The following CCDC141 variants were observed in gnomAD, a reference collection of about 807,000 sequenced individuals.
CCDC141 encodes coiled-coil domain containing 141.
In CCDC141, 168 loss-of-function variants were observed where a neutral mutation model predicts 181.0. That is an observed-to-expected ratio of 0.93 (90% CI 0.82 to 1.05). CCDC141 has a LOEUF of 1.05. Among genes scored for constraint, CCDC141 ranks in the 50% least tolerant of loss-of-function variants. CCDC141 has a pLI of 0.00. For synonymous variants in CCDC141, 666 were observed against 642.3 expected (o/e 1.04, Z -0.56); for missense variants, 1,902 against 1,788.5 (o/e 1.06, Z -1.14).
In CCDC141 at chr2:178,951,915, C is replaced by G. The variant is rs540930279; in HGVS notation, c.781-7264G>C. Among the ~76,000 whole-genome samples the G allele has an allele frequency of 5.3e-5, 8 of 152,272 alleles. No homozygotes were observed. In the East Asian group the frequency reaches 1.5e-3, roughly 29 times the overall value. ...GTGTGTCCCCATCCCCCTTACCAAC[C>G]GACTTGGGGGCTTAATTAATAACCA... On this transcript the variant is annotated intron_variant, in intron 5 of 23. Transcript: ENST00000443758.
intron 2 of CCDC141, among the ~76,000 whole-genome samples, chr2:179,004,143 C>T (rs1315304342): frequency 6.6e-6 from 1 of 152,064 alleles, no homozygotes; most frequent in East Asian, 1.9e-4. Context: ...TTTCTGAAAT[C>T]CATGTTAAAA....
At position 178,869,300 on chromosome 2, in the gene CCDC141, C is replaced by G. The variant is rs753778696; in HGVS notation, c.2211G>C (p.Leu737Phe). 8.2e-6 allele frequency: 13 copies of G among 1,577,124 alleles called. No individual in the cohort carries two copies. In the South Asian group the frequency reaches 1.4e-4, roughly 17 times the overall value. Residue 737 changes from leucine to phenylalanine, a missense_variant, in exon 15 of 24, where the codon TTG (leucine) becomes TTC (phenylalanine). Coordinates refer to ENST00000443758, the MANE Select transcript of CCDC141 (RefSeq NM_173648.4). ...WNDMKPQFQQ[L>F]NDEVQYIMKE... is the part of the protein sequence containing the mutation. The stretch of plus-strand genomic sequence containing the variant: ...TCATAATGTACTGAACCTCATCATT[C>G]AATTGCTAAAACATTGAAAGCAATA...
At chr2:179,020,056 G>A (rs1010296501) in intron 2 of CCDC141, among the ~76,000 whole-genome samples, 1 of 151,978 alleles carries the variant, frequency 6.6e-6, no homozygotes, top group African/African-American at 2.4e-5. Context: ...ATGCCCAGCT[G>A]GAAAGATCAT....
At chr2:178,981,332 G>T (rs1691380730) in intron 2 of CCDC141, among the ~76,000 whole-genome samples, 1 of 151,734 alleles carries the variant, frequency 6.6e-6, no homozygotes, top group South Asian at 2.1e-4. Context: ...CATCAAGATA[G>T]GCCATATCCT....
rs373395548 is a variant in CCDC141 at position 178,970,586 on chromosome 2, G to T, written c.526+4471C>A. On this transcript the variant is annotated intron_variant, in intron 4 of 23. Transcript: ENST00000443758. ...AGCCATATGCAGAAAACAGAAACTG[G>T]ACCCCGTCCTTACACCTTATATGAA... Among the ~76,000 whole-genome samples the T allele has an allele frequency of 1.9e-3, 289 of 152,220 alleles. 2 individuals are homozygous for T. The highest frequency in any genetic ancestry group is 6.7e-3 in the African/African-American group (280 of 41,528).
chr2:178,933,306 A>C (rs1408741200), intron 6 of CCDC141, among the ~76,000 whole-genome samples: 3 of 152,230 alleles, frequency 2.0e-5, no homozygotes, highest in Non-Finnish European at 4.4e-5. Context: ...TCATCTATAA[A>C]AATTAAGAGG....
chr2:178,886,666 G>T, intron 10 of CCDC141, 86 bp downstream of exon 10: 1 of 853,498 alleles, frequency 1.2e-6, no homozygotes, highest in Non-Finnish European at 1.7e-6. Context: ...CCTCAAGTGA[G>T]CTAGGATTAA....
chr2:178,952,766 T>C (rs1427530982), intron 5 of CCDC141, among the ~76,000 whole-genome samples: 1 of 152,254 alleles, frequency 6.6e-6, no homozygotes, highest in South Asian at 2.1e-4. Flanking sequence ...CAGTCATTTA[T>C]ACCTGTTACT....
intron 8 of CCDC141, among the ~76,000 whole-genome samples, chr2:178,899,145 C>T (rs1041069396): frequency 5.3e-5 from 8 of 152,082 alleles, no homozygotes; most frequent in Admixed American, 1.3e-4. Context: ...ACATGAATAC[C>T]ATTGTGTTTC....
intron 8 of CCDC141, among the ~76,000 whole-genome samples, chr2:178,891,328 A>T (rs1687139047): frequency 6.6e-6 from 1 of 152,126 alleles, no homozygotes; most frequent in Non-Finnish European, 1.5e-5. Flanking sequence ...CATTTCGCAG[A>T]TAAGTAGACT....
At chr2:179,042,721 T>G (rs1359146062) in intron 2 of CCDC141, among the ~76,000 whole-genome samples, 1 of 152,146 alleles carries the variant, frequency 6.6e-6, no homozygotes, top group Non-Finnish European at 1.5e-5. Context: ...TAAAGCAGTA[T>G]GAAGTGAGAA....
At chr2:178,851,541 C>T (rs900605987) in intron 20 of CCDC141, among the ~76,000 whole-genome samples, 8 of 152,106 alleles carry the variant, frequency 5.3e-5, no homozygotes, top group African/African-American at 1.9e-4. Context: ...GGGATGACCA[C>T]GTGAAGAGGC....
At chr2:178,891,584 T>C (rs1318620313) in intron 8 of CCDC141, among the ~76,000 whole-genome samples, 1 of 152,188 alleles carries the variant, frequency 6.6e-6, no homozygotes, top group African/African-American at 2.4e-5. Context: ...AGTAATGCAA[T>C]GCCTGCTGTA....
chr2:178,902,877 CA>C (rs1307686064), intron 8 of CCDC141, among the ~76,000 whole-genome samples: 1 of 149,160 alleles, frequency 6.7e-6, no homozygotes, highest in Non-Finnish European at 1.5e-5. Context: ...GGCTAATATC[CA>C]GAATCTACAG....
intron 6 of CCDC141, among the ~76,000 whole-genome samples, chr2:178,923,252 C>CG (rs1421739890): frequency 6.6e-6 from 1 of 151,438 alleles, no homozygotes; most frequent in East Asian, 1.9e-4. Flanking sequence ...CTACAGGCGC[C>CG]CGCCACTACG....
At chr2:178,858,999 G>A (rs1363567131) in intron 17 of CCDC141, among the ~76,000 whole-genome samples, 1 of 152,150 alleles carries the variant, frequency 6.6e-6, no homozygotes, top group Non-Finnish European at 1.5e-5. Context: ...AATGATGAGT[G>A]TGATTTGATT....
intron 5 of CCDC141, among the ~76,000 whole-genome samples, chr2:178,948,900 A>G (rs1156843181): frequency 6.6e-6 from 1 of 152,188 alleles, no homozygotes; most frequent in East Asian, 1.9e-4. Flanking sequence ...TAACCCTTTC[A>G]TCTTCATAAA....
intron 18 of CCDC141, among the ~76,000 whole-genome samples, 175 bp downstream of exon 18, chr2:178,856,082 T>C (rs565023005): frequency 6.6e-6 from 1 of 152,240 alleles, no homozygotes; most frequent in Non-Finnish European, 1.5e-5. Flanking sequence ...CAATTTATTA[T>C]GTATTTTTAC....
At chr2:179,015,121 A>G (rs2042423635) in intron 2 of CCDC141, among the ~76,000 whole-genome samples, 2 of 69,224 alleles carry the variant, frequency 2.9e-5, no homozygotes, top group Non-Finnish European at 5.4e-5. Context: ...ATATAATCAT[A>G]TATATATATC....
Sources: gnomAD v4.1 joint callset for allele counts (sites outside exome capture counted in the v4.1 genomes callset) on GRCh38, gnomAD v4.1.1 for gene constraint, MANE v1.5 for transcripts, NCBI Gene and HGNC (gene_info 2026-07-23, HGNC 2026-07-21) for gene names.